CCDC7: variants seen among roughly 807,000 people sequenced by gnomAD.
CCDC7 encodes the protein coiled-coil domain containing 7.
A neutral mutation model predicts 196.9 loss-of-function variants in CCDC7; 183 were observed. That is an observed-to-expected ratio of 0.93 (90% CI 0.82 to 1.05). The LOEUF is 1.05. CCDC7 is among the 50% of genes least tolerant of loss of function. The pLI is 0.00. For synonymous variants in CCDC7, 525 were observed against 484.6 expected, an observed-to-expected ratio of 1.08 and a Z score of -1.10; for missense variants, 1,540 against 1,482.2, an observed-to-expected ratio of 1.04 and a Z score of -0.64.
At chr10:32,634,711 G>A (rs954939785) in intron 19 of CCDC7, among the ~76,000 whole-genome samples, 4 of 152,158 alleles carry the variant, frequency 2.6e-5, no homozygotes, top group Non-Finnish European at 5.9e-5. Context: ...ACTATTTTAA[G>A]TTAACTCATC....
chr10:32,530,153 A>C (rs1350568789), intron 11 of CCDC7, among the ~76,000 whole-genome samples: 1 of 152,166 alleles, frequency 6.6e-6, no homozygotes, highest in South Asian at 2.1e-4. Context: ...TACCAGTACC[A>C]CGCTATTTTG....
chr10:32,835,794 A>C (rs1353215742), intron 33 of CCDC7, among the ~76,000 whole-genome samples: 2 of 152,122 alleles, frequency 1.3e-5, no homozygotes, highest in African/African-American at 4.8e-5. Context: ...ACACAAGTTT[A>C]CCTATGTAAC....
At chr10:32,848,705 C>T (rs201312731) in exon 39 of CCDC7, 1 of 1,543,272 alleles carries the variant, frequency 6.5e-7, no homozygotes, top group Non-Finnish European at 9.0e-7. Flanking sequence ...ATTTATCACC[C>T]TTTGAAAATA....
intron 5 of CCDC7, among the ~76,000 whole-genome samples, chr10:32,469,109 T>C (rs975239615): frequency 3.3e-5 from 5 of 152,234 alleles, no homozygotes; most frequent in African/African-American, 9.7e-5. Context: ...TTATCTTTTT[T>C]CCCAGAAAGG....
intron 28 of CCDC7, among the ~76,000 whole-genome samples, chr10:32,767,217 CAT>C (rs1565445486): frequency 6.6e-6 from 1 of 152,050 alleles, no homozygotes; most frequent in East Asian, 1.9e-4. Flanking sequence ...GGAGGGGACA[CAT>C]ATGCACACCA....
intron 21 of CCDC7, among the ~76,000 whole-genome samples, chr10:32,670,432 G>A (rs1351474241): frequency 6.6e-6 from 1 of 150,486 alleles, no homozygotes; most frequent in African/African-American, 2.4e-5. Flanking sequence ...GGGTACATGT[G>A]CACAATGTGC....
intron 29 of CCDC7, among the ~76,000 whole-genome samples, chr10:32,790,221 C>T (rs2082476503): frequency 6.6e-6 from 1 of 152,222 alleles, no homozygotes; most frequent in South Asian, 2.1e-4. Context: ...ACGGCCCGCT[C>T]AGCATTGTTC....
chr10:32,791,608 G>T (rs1473117771), intron 29 of CCDC7, among the ~76,000 whole-genome samples: 1 of 151,198 alleles, frequency 6.6e-6, no homozygotes, highest in Non-Finnish European at 1.5e-5. Flanking sequence ...AGCTTTGACA[G>T]CAGACTAGAT....
intron 4 of CCDC7, 121 bp from the exon 6 acceptor site, chr10:32,462,896 G>T: frequency 6.8e-7 from 1 of 1,461,598 alleles, no homozygotes; most frequent in Non-Finnish European, 9.4e-7. Flanking sequence ...TTCGGTCAGG[G>T]CTGATATTTG....
intron 14 of CCDC7, among the ~76,000 whole-genome samples, chr10:32,565,926 C>CA (rs1564673986): frequency 2.0e-5 from 3 of 152,070 alleles, no homozygotes; most frequent in African/African-American, 7.2e-5. Flanking sequence ...CAATGTATTT[C>CA]AAGCTGATAA....
At chr10:32,851,999 C>T in intron 40 of CCDC7, 67 bp downstream of exon 41, 1 of 1,468,138 alleles carries the variant, frequency 6.8e-7, no homozygotes, top group Non-Finnish European at 9.1e-7. Context: ...ATGTAAATAA[C>T]CAAGTTGTAA....
At position 32,830,121 on chromosome 10, in the gene CCDC7, G is replaced by GATATATATACATATATATATATATAT. The variant is rs2091948618; in HGVS notation, c.3269-4685_3269-4684insCATATATATATATATATATATATATA. 9.9e-5 allele frequency among the ~76,000 whole-genome samples: 5 copies of GATATATATACATATATATATATATAT among 50,656 alleles called. 1 individual carries two copies. The highest frequency in any genetic ancestry group is 1.6e-4 in the Non-Finnish European group (3 of 18,524). 33.2% of individuals were successfully genotyped at this position (50,656 alleles called of 152,430 possible). A position where few individuals can be genotyped will look rare whatever the true frequency, so the allele number is the denominator to read the frequency against. On this transcript the variant is annotated intron_variant, in intron 32 of 41. Transcript: ENST00000639629. ...TCCTATTAGTTCTTATATATATAAG[G>GATATATATACATATATATATATATAT]ATATATATATATATATATATCCTAT...
intron 28 of CCDC7, among the ~76,000 whole-genome samples, chr10:32,776,188 G>A (rs1272917318): frequency 2.7e-5 from 4 of 149,448 alleles, no homozygotes; most frequent in Admixed American, 6.7e-5. Flanking sequence ...GCTAGATGAC[G>A]AGTTAGTGGG....
chr10:32,562,524 C>G (rs1189413934), intron 13 of CCDC7, among the ~76,000 whole-genome samples: 1 of 152,072 alleles, frequency 6.6e-6, no homozygotes, highest in East Asian at 1.9e-4. Context: ...TGTAATCCAG[C>G]ATATAAACAG....
At chr10:32,624,647 C>G (rs1039439519) in intron 18 of CCDC7, among the ~76,000 whole-genome samples, 8 of 152,104 alleles carry the variant, frequency 5.3e-5, no homozygotes, top group African/African-American at 1.9e-4. Flanking sequence ...CTCCTTCTAT[C>G]TAGTGGCTAC....
chr10:32,457,365 A>C (rs1218339634), intron 3 of CCDC7, among the ~76,000 whole-genome samples: 1 of 152,126 alleles, frequency 6.6e-6, no homozygotes, highest in Non-Finnish European at 1.5e-5. Context: ...CTTTTTTGGA[A>C]CTGAAAGTGG....
At chr10:32,730,760 C>G (rs951126151) in intron 28 of CCDC7, among the ~76,000 whole-genome samples, 2 of 151,886 alleles carry the variant, frequency 1.3e-5, no homozygotes, top group African/African-American at 4.8e-5. Context: ...CTTTTAAGAG[C>G]CTTCCTTCTT....
At position 32,565,643 on chromosome 10, in the gene CCDC7, A is replaced by G. The variant is rs184196547; in HGVS notation, c.1197+23A>G. Reference sequence around the variant, plus strand: ...CAGGTAAAGGATGTCATGTTTCTTTAACATTGTTAACAAGTAAAGAAAATA... The same window carrying G: ...CAGGTAAAGGATGTCATGTTTCTTTGACATTGTTAACAAGTAAAGAAAATA... On this transcript the variant is annotated intron_variant, in intron 14 of 41. Transcript: ENST00000639629. The G allele has an allele frequency of 4.2e-5, 67 of 1,595,782 alleles. No individual in the cohort carries two copies. The African/African-American group carries it at 8.6e-4, about 21-fold the overall frequency.
chr10:32,666,379 CTT>C (rs1009067364), intron 21 of CCDC7, among the ~76,000 whole-genome samples: 3 of 151,686 alleles, frequency 2.0e-5, no homozygotes, highest in African/African-American at 7.3e-5. Context: ...CTTAGTATTT[CTT>C]TTGTTTTTTT....
Sources: allele counts gnomAD v4.1 joint callset (sites outside exome capture counted in the v4.1 genomes callset), GRCh38; gene constraint gnomAD v4.1.1; transcripts MANE v1.5; gene names NCBI Gene and HGNC (gene_info 2026-07-23, HGNC 2026-07-21).